Variants in CTNNBL1 observed in about 807,000 individuals in gnomAD.
The protein encoded by CTNNBL1 is catenin beta like 1.
A neutral mutation model predicts 72.7 loss-of-function variants in CTNNBL1; 31 were observed. The observed-to-expected ratio is 0.43, with a 90% CI of 0.32 to 0.58. The LOEUF is 0.58. Ranked by LOEUF, CTNNBL1 falls within the 20% of genes least tolerant of loss-of-function variation. CTNNBL1 has a pLI of 0.08. For synonymous variants in CTNNBL1, 240 were observed against 267.3 expected (o/e 0.90, Z 1.00); for missense variants, 534 against 725.1 (o/e 0.74, Z 3.03).
intron 1 of CTNNBL1, among the ~76,000 whole-genome samples, chr20:37,709,994 C>T (rs555736272): frequency 4.6e-5 from 7 of 152,330 alleles, no homozygotes; most frequent in African/African-American, 1.7e-4. Context: ...AACTTTAGCA[C>T]CCCAACAACT....
At chr20:37,862,294 A>G (rs2072497823) in intron 15 of CTNNBL1, among the ~76,000 whole-genome samples, 2 of 152,136 alleles carry the variant, frequency 1.3e-5, no homozygotes, top group South Asian at 4.1e-4. Flanking sequence ...TAATGCCCAC[A>G]TGTTCAATTA....
At chr20:37,802,499 T>C (rs752839579) in intron 10 of CTNNBL1, among the ~76,000 whole-genome samples, 2 of 152,244 alleles carry the variant, frequency 1.3e-5, no homozygotes, top group African/African-American at 4.8e-5. Context: ...AATTGTATAG[T>C]ATGCGAATTG....
At chr20:37,861,372 C>T (rs1054407614) in intron 15 of CTNNBL1, among the ~76,000 whole-genome samples, 1 of 152,220 alleles carries the variant, frequency 6.6e-6, no homozygotes, top group Non-Finnish European at 1.5e-5. Flanking sequence ...GCAGCCCCAC[C>T]GTCAGCCACC....
chr20:37,700,615 GC>G (rs370951311), intron 1 of CTNNBL1, among the ~76,000 whole-genome samples: 2 of 152,140 alleles, frequency 1.3e-5, no homozygotes, highest in South Asian at 2.1e-4. Context: ...CTTTTTTGAT[GC>G]CTTCAGGCTT....
chr20:37,696,556 G>T (rs2072793927), intron 1 of CTNNBL1, among the ~76,000 whole-genome samples: 1 of 143,666 alleles, frequency 7.0e-6, no homozygotes, highest in South Asian at 2.2e-4. Context: ...CGATTCTCCT[G>T]CCTCAGCCTC....
chr20:37,825,534 G>A (rs911522286), intron 11 of CTNNBL1, among the ~76,000 whole-genome samples: 2 of 152,132 alleles, frequency 1.3e-5, no homozygotes, highest in African/African-American at 2.4e-5. Context: ...AATTAGCTGG[G>A]CGTGGTGGTG....
chr20:37,860,631 TC>T (rs1467938060), intron 15 of CTNNBL1, among the ~76,000 whole-genome samples: 1 of 152,122 alleles, frequency 6.6e-6, no homozygotes, highest in African/African-American at 2.4e-5. Context: ...AACAAAAAAT[TC>T]AATTCCAAAC....
chr20:37,840,250 C>G (rs1334886031), intron 12 of CTNNBL1, 51 bp downstream of exon 12: 5 of 1,341,796 alleles, frequency 3.7e-6, no homozygotes, highest in African/African-American at 1.4e-5. Flanking sequence ...TAGAAAGGCT[C>G]TTTACCTGAT....
chr20:37,823,502 G>A (rs1448823118), intron 11 of CTNNBL1, among the ~76,000 whole-genome samples: 3 of 152,210 alleles, frequency 2.0e-5, no homozygotes, highest in African/African-American at 7.2e-5. Flanking sequence ...GTAGCTTCAA[G>A]GAGGACTTTG....
chr20:37,764,112 A>G (rs1308194903), intron 5 of CTNNBL1, among the ~76,000 whole-genome samples: 1 of 152,182 alleles, frequency 6.6e-6, no homozygotes, highest in Non-Finnish European at 1.5e-5. Context: ...AGGAGCTGCC[A>G]TGAACTAGAC....
intron 3 of CTNNBL1, among the ~76,000 whole-genome samples, chr20:37,746,017 GA>G (rs1251950956): frequency 6.6e-6 from 1 of 152,158 alleles, no homozygotes; most frequent in African/African-American, 2.4e-5. Context: ...TTTGGATACA[GA>G]AAATCTTATC....
chr20:37,795,810 T>C (rs1405146482), intron 10 of CTNNBL1, among the ~76,000 whole-genome samples: 1 of 152,230 alleles, frequency 6.6e-6, no homozygotes, highest in Non-Finnish European at 1.5e-5. Context: ...TGATTTTTTT[T>C]CTCCTCTCTG....
At chr20:37,836,243 C>A (rs1384598841) in intron 11 of CTNNBL1, among the ~76,000 whole-genome samples, 11 of 152,140 alleles carry the variant, frequency 7.2e-5, no homozygotes, top group African/African-American at 2.4e-4. Context: ...GAAACATTTT[C>A]TTGATCTTGA....
At chr20:37,792,987 T>C (rs145779100) in intron 10 of CTNNBL1, among the ~76,000 whole-genome samples, 1,530 of 152,350 alleles carry the variant, frequency 0.01, 18 homozygotes, top group Non-Finnish European at 0.014. Context: ...TTCATACCAT[T>C]CATTGTGGTC....
chr20:37,815,192 TAC>T (rs1489282494), intron 11 of CTNNBL1, among the ~76,000 whole-genome samples: 1 of 152,044 alleles, frequency 6.6e-6, no homozygotes, highest in East Asian at 1.9e-4. Flanking sequence ...GGCATTTTAA[TAC>T]AGTTAGGAGC....
intron 15 of CTNNBL1, among the ~76,000 whole-genome samples, chr20:37,868,575 C>T (rs1381992054): frequency 3.3e-5 from 5 of 152,206 alleles, no homozygotes; most frequent in African/African-American, 7.2e-5. Flanking sequence ...GTGGGCCAGT[C>T]GGATATCCCC....
chr20:37,812,466 C>A (rs1224062982), intron 11 of CTNNBL1, among the ~76,000 whole-genome samples: 1 of 152,184 alleles, frequency 6.6e-6, no homozygotes, highest in Admixed American at 6.5e-5. Context: ...TGGCATATTA[C>A]CCTGGACCCT....
At chr20:37,867,279 C>T (rs374722260) in intron 15 of CTNNBL1, among the ~76,000 whole-genome samples, 5 of 152,290 alleles carry the variant, frequency 3.3e-5, no homozygotes, top group East Asian at 1.9e-4. Flanking sequence ...TCTCCTCCCT[C>T]TTCCTCCTGC....
At position 37,802,641 on chromosome 20, in the gene CTNNBL1, A is replaced by T. The variant is rs1024498900; in HGVS notation, c.1032-226A>T. On this transcript the variant is annotated intron_variant, in intron 10 of 15. Coordinates refer to ENST00000361383, the MANE Select transcript of CTNNBL1 (RefSeq NM_030877.5). ...TTTTAATGTACATTTTTCATGTGTA[A>T]TTGTGGTAATGCTTCATAAAGAATT... Among the ~76,000 whole-genome samples the T allele has an allele frequency of 2.6e-5, 4 of 152,246 alleles. No individual in the cohort carries two copies. The East Asian group carries it at 7.7e-4, about 29-fold the overall frequency.
Sources: allele counts gnomAD v4.1 joint callset (sites outside exome capture counted in the v4.1 genomes callset), GRCh38; gene constraint gnomAD v4.1.1; transcripts MANE v1.5; gene names NCBI Gene and HGNC (gene_info 2026-07-23, HGNC 2026-07-21).